The following TDRD15 variants were observed in gnomAD, a reference collection of about 807,000 sequenced individuals.
The protein encoded by TDRD15 is tudor domain containing 15, also known as tudor domain-containing protein 15.
For missense variants in TDRD15, 1,416 were observed against 904.7 expected, an observed-to-expected ratio of 1.57 and a Z score of -7.25; for synonymous variants, 503 against 314.5, an observed-to-expected ratio of 1.60 and a Z score of -6.34.
Position 21,137,989 on chromosome 2 carries a change from T to C in TDRD15, c.522T>C (p.Ser174=). Residue 174 remains serine (S), a synonymous_variant, in exon 4 of 4, where the codon TCT becomes TCC. Transcript: ENST00000405799. ...TTTTTGAAGTGCCAAAAATTATATC[T>C]CAGGCTCTCGAGTTACAATTAGGAA... The part of the protein sequence containing the change: ...MFLFEVPKII[S]QALELQLGRL... 2 of 716,902 alleles carry C rather than the reference T, an allele frequency of 2.8e-6. No individual in the cohort carries two copies. Among genetic ancestry groups the C allele is most frequent in the Non-Finnish European group, 5.2e-6 (2 of 384,550 alleles). 44.4% of individuals were successfully genotyped at this position (716,902 alleles called of 1,614,324 possible).
chr2:21,138,312 G>A lies in TDRD15; in HGVS notation c.845G>A (p.Cys282Tyr). The change falls in exon 4 of 4, where the codon TGT becomes TAT. Residue 282 changes from cysteine (C) to tyrosine (Y), a missense_variant. By Grantham distance (194) the Cys-to-Tyr change is radical. Transcript: ENST00000405799. ...ATGACTTTGCATTATGATACCGTCT[G>A]TCAAGAAACTAGTCCCACGTGTGAT... ...AHMTLHYDTVCQETSPTCDNF... is the reference protein window; with the variant it reads ...AHMTLHYDTVYQETSPTCDNF... 1 of 716,524 alleles carries A rather than the reference G, an allele frequency of 1.4e-6. No individual in the cohort carries two copies. Among genetic ancestry groups the A allele is most frequent in the Non-Finnish European group, 2.6e-6 (1 of 384,438 alleles). The allele number at this position is 716,524 out of a possible 1,614,324, so 44.4% of individuals were successfully genotyped here.
chr2:21,141,744 C>G lies in TDRD15; in HGVS notation c.4277C>G (p.Thr1426Ser), dbSNP rs1558301265. Residue 1426 changes from threonine (T) to serine (S), a missense_variant, in exon 4 of 4, where the codon ACT (threonine) becomes AGT (serine). Thr to Ser is a moderately conservative substitution (Grantham distance 58). Coordinates refer to ENST00000405799, the MANE Select transcript of TDRD15 (RefSeq NM_001306137.2). ...NEPDEIWDDK[T>S]VDYFTSKVHN... is the part of the protein sequence containing the mutation. Reference sequence around the variant, plus strand: ...CCTGATGAAATATGGGATGACAAAACTGTGGATTATTTTACTTCGAAAGTA... The same window carrying G: ...CCTGATGAAATATGGGATGACAAAAGTGTGGATTATTTTACTTCGAAAGTA... 1 of 715,210 alleles carries G rather than the reference C, an allele frequency of 1.4e-6. No homozygotes were observed. The highest frequency in any genetic ancestry group is 2.7e-5 in the East Asian group (1 of 37,244). The allele number at this position is 715,210 out of a possible 1,614,324, so 44.3% of individuals were successfully genotyped here.
intron 1 of TDRD15, among the ~76,000 whole-genome samples, chr2:21,125,420 G>A (rs1265851552): frequency 7.3e-6 from 1 of 137,742 alleles, no homozygotes; most frequent in African/African-American, 2.7e-5. Flanking sequence ...GAAGAGATCC[G>A]AATGCCAGGG....
downstream of TDRD15, among the ~76,000 whole-genome samples, chr2:21,145,758 A>G (rs1485028618): frequency 1.3e-5 from 2 of 151,938 alleles, no homozygotes; most frequent in African/African-American, 2.4e-5. Flanking sequence ...CTCAGCTCCT[A>G]CCACCTCTAT....
intron 2 of TDRD15, among the ~76,000 whole-genome samples, chr2:21,134,007 T>A (rs59537367): frequency 0.027 from 4,041 of 152,088 alleles, 135 homozygotes; most frequent in East Asian, 0.14. Flanking sequence ...TACTTTTAAA[T>A]GGTGTTACTG....
rs1665830862 is a variant in TDRD15, at chr2:21,137,532, G to A, written c.65G>A (p.Cys22Tyr). Reference sequence around the variant, plus strand: ...GATCTGACAATATCACATATTAAATGTCTTCCCAAGGATATTCTGGTGAAA... The same window carrying A: ...GATCTGACAATATCACATATTAAATATCTTCCCAAGGATATTCTGGTGAAA... Reference protein sequence around the residue: ...DVDLTISHIKCLPKDILVKFQ... With the variant: ...DVDLTISHIKYLPKDILVKFQ... The change falls in exon 4 of 4, where the codon TGT becomes TAT. Residue 22 changes from cysteine (C) to tyrosine (Y), a missense_variant. Coordinates refer to ENST00000405799, the MANE Select transcript of TDRD15 (RefSeq NM_001306137.2). The A allele has an allele frequency of 1.4e-6, 1 of 706,644 alleles. No homozygotes were observed. Among genetic ancestry groups the A allele is most frequent in the Admixed American group, 2.1e-5 (1 of 47,436 alleles). 43.8% of individuals were successfully genotyped at this position (706,644 alleles called of 1,614,324 possible). A position where few individuals can be genotyped will look rare whatever the true frequency, so the allele number is the denominator to read the frequency against.
At chr2:21,130,560 G>A (rs1665697776) in intron 2 of TDRD15, among the ~76,000 whole-genome samples, 1 of 152,134 alleles carries the variant, frequency 6.6e-6, no homozygotes. Flanking sequence ...AGAACATCTT[G>A]TGTATATTGT....
At chr2:21,125,083 GGT>G (rs1279090701) in intron 1 of TDRD15, among the ~76,000 whole-genome samples, 1 of 140,616 alleles carries the variant, frequency 7.1e-6, no homozygotes, top group Non-Finnish European at 1.5e-5. Context: ...CTAATGTCAG[GGT>G]GTGTGAGTGT....
chr2:21,129,976 G>T (rs1665685407), intron 2 of TDRD15, among the ~76,000 whole-genome samples: 1 of 152,158 alleles, frequency 6.6e-6, no homozygotes, highest in Non-Finnish European at 1.5e-5. Context: ...CAGGGGGTGA[G>T]CATGCTAGTT....
intron 2 of TDRD15, among the ~76,000 whole-genome samples, chr2:21,130,946 C>T (rs1247609640): frequency 6.6e-6 from 1 of 152,128 alleles, no homozygotes. Flanking sequence ...GGGAGGTACT[C>T]ATAAAATCAC....
At position 21,140,172 on chromosome 2, in the gene TDRD15, T is replaced by C. The variant is rs117598574; in HGVS notation, c.2705T>C (p.Ile902Thr). The change falls in exon 4 of 4, where the codon ATC (isoleucine) becomes ACC (threonine). Residue 902 changes from isoleucine to threonine, a missense_variant. Coordinates refer to ENST00000405799, the MANE Select transcript of TDRD15 (RefSeq NM_001306137.2). ...SSSRGLLTCI[I>T]YALVIIHPNH... is the part of the protein sequence containing the mutation. ...TCTAGAGGGTTATTGACTTGTATCATCTATGCCTTAGTTATTATACATCCA... is the reference window on the plus strand; with the variant it reads ...TCTAGAGGGTTATTGACTTGTATCACCTATGCCTTAGTTATTATACATCCA... 1.6e-4 allele frequency: 116 copies of C among 715,676 alleles called. No individual in the cohort carries two copies. In the East Asian group the frequency reaches 3.1e-3, roughly 19 times the overall value. 44.3% of individuals were successfully genotyped at this position (715,676 alleles called of 1,614,324 possible).
chr2:21,140,857 T>C lies in TDRD15; in HGVS notation c.3390T>C (p.Tyr1130=), dbSNP rs1382592647. 1.4e-6 allele frequency: 1 copy of C among 712,032 alleles called. No homozygotes were observed. Among genetic ancestry groups the C allele is most frequent in the Admixed American group, 2.0e-5 (1 of 49,102 alleles). 44.1% of individuals were successfully genotyped at this position (712,032 alleles called of 1,614,324 possible). A position where few individuals can be genotyped will look rare whatever the true frequency, so the allele number is the denominator to read the frequency against. ...LGIELYDGSQ[Y]INEKIKVLLH... ...TAGAATTGTATGATGGATCTCAATA[T>C]ATAAATGAGAAAATTAAAGTGTTGC... is the stretch of plus-strand genomic sequence containing the variant. The change falls in exon 4 of 4, where the codon TAT becomes TAC. Residue 1130 remains tyrosine, a synonymous_variant. Coordinates refer to ENST00000405799, the MANE Select transcript of TDRD15 (RefSeq NM_001306137.2).
At chr2:21,129,209 A>G (rs1025114721) in intron 2 of TDRD15, among the ~76,000 whole-genome samples, 2 of 152,142 alleles carry the variant, frequency 1.3e-5, no homozygotes, top group East Asian at 3.9e-4. Flanking sequence ...GTCCTGTCCA[A>G]ATTTTTGTGT....
intron 2 of TDRD15, among the ~76,000 whole-genome samples, chr2:21,129,544 A>G (rs1356283474): frequency 6.6e-6 from 1 of 152,060 alleles, no homozygotes; most frequent in Non-Finnish European, 1.5e-5. Flanking sequence ...CTGTTTTTAG[A>G]TTGCATTGTC....
chr2:21,139,204 A>T lies in TDRD15; in HGVS notation c.1737A>T (p.Val579=). ...GNTDSIPFFD[V]KILLPEFCEL... ...CTGATTCCATACCATTTTTTGATGTAAAAATTTTGCTTCCAGAATTTTGTG... is the reference window on the plus strand; with the variant it reads ...CTGATTCCATACCATTTTTTGATGTTAAAATTTTGCTTCCAGAATTTTGTG... Residue 579 remains valine, a synonymous_variant, in exon 4 of 4, where the codon GTA becomes GTT. Transcript: ENST00000405799. 1.4e-6 allele frequency: 1 copy of T among 714,630 alleles called. No individual in the cohort carries two copies. Among genetic ancestry groups the T allele is most frequent in the Non-Finnish European group, 2.6e-6 (1 of 383,812 alleles). 44.3% of individuals were successfully genotyped at this position (714,630 alleles called of 1,614,324 possible).
chr2:21,138,215 G>T lies in TDRD15; in HGVS notation c.748G>T (p.Ala250Ser), dbSNP rs1377032361. The T allele has an allele frequency of 1.4e-5, 10 of 716,246 alleles. No individual in the cohort carries two copies. The highest frequency in any genetic ancestry group is 2.6e-5 in the Non-Finnish European group (10 of 384,406). The allele number at this position is 716,246 out of a possible 1,614,324, so 44.4% of individuals were successfully genotyped here. The stretch of plus-strand genomic sequence containing the variant: ...TACTGAAAGTGTAAAGGTATCATCT[G>T]CATTGAGCCCAAGTAAATTTTATTG... ...GSTESVKVSS[A>S]LSPSKFYCQL... The change falls in exon 4 of 4, where the codon GCA becomes TCA. Residue 250 changes from alanine to serine, a missense_variant. Physicochemically the swap from Ala to Ser is moderately conservative, Grantham distance 99. Transcript: ENST00000405799.
At position 21,141,981 on chromosome 2, in the gene TDRD15, C is replaced by T. The variant is rs1412215913; in HGVS notation, c.4514C>T (p.Ser1505Phe). 7 of 701,960 alleles carry T rather than the reference C, an allele frequency of 1.0e-5. No individual in the cohort carries two copies. Among genetic ancestry groups the T allele is most frequent in the Non-Finnish European group, 1.8e-5 (7 of 380,294 alleles). 43.5% of individuals were successfully genotyped at this position (701,960 alleles called of 1,614,324 possible). The part of the protein sequence containing the change: ...NEMKKGKSNE[S>F]EGSMNSNQQL... ...ATGAAGAAAGGAAAATCAAATGAGT[C>T]TGAAGGTTCTATGAATTCAAACCAA... is the stretch of plus-strand genomic sequence containing the variant. The change falls in exon 4 of 4, where the codon TCT (serine) becomes TTT (phenylalanine). Residue 1505 changes from serine to phenylalanine, a missense_variant. By Grantham distance (155) the Ser-to-Phe change is radical. Transcript: ENST00000405799.
chr2:21,124,741 TGCG>T (rs1665548101), intron 1 of TDRD15, among the ~76,000 whole-genome samples: 1 of 141,038 alleles, frequency 7.1e-6, no homozygotes, highest in Non-Finnish European at 1.5e-5. Flanking sequence ...AGGGTGTGTG[TGCG>T]TGTGTGTGTG....
At chr2:21,129,362 T>C (rs1665676045) in intron 2 of TDRD15, among the ~76,000 whole-genome samples, 1 of 152,234 alleles carries the variant, frequency 6.6e-6, no homozygotes, top group South Asian at 2.1e-4. Context: ...GTCTACATTC[T>C]TGCTAACGCT....
Sources: allele counts gnomAD v4.1 joint callset (sites outside exome capture counted in the v4.1 genomes callset), GRCh38; gene constraint gnomAD v4.1.1; transcripts MANE v1.5; gene names NCBI Gene and HGNC (gene_info 2026-07-23, HGNC 2026-07-21).